The following AGMO variants were observed in gnomAD, a reference collection of about 807,000 sequenced individuals.
AGMO encodes the protein alkylglycerol monooxygenase.
In AGMO, 75 loss-of-function variants were observed where a neutral mutation model predicts 60.2. The ratio of observed to expected loss-of-function variants is 1.25; its 90% CI spans 1.03 to 1.51. The LOEUF is 1.51. AGMO is among the 40% of genes most tolerant of loss of function. AGMO has a pLI of 0.00. For missense variants in AGMO, 763 were observed against 525.5 expected (o/e 1.45, Z -4.42); for synonymous variants, 261 against 177.1 (o/e 1.47, Z -3.76).
chr7:15,202,489 A>AAAAAAACC (rs1277846759), intron 12 of AGMO, among the ~76,000 whole-genome samples: 2 of 132,048 alleles, frequency 1.5e-5, no homozygotes, highest in Admixed American at 7.4e-5. Context: ...AAAAAAAAAA[A>AAAAAAACC]CCCTCCCAAA....
chr7:15,539,318 T>C (rs1283465158), intron 3 of AGMO, among the ~76,000 whole-genome samples: 1 of 152,100 alleles, frequency 6.6e-6, no homozygotes, highest in East Asian at 1.9e-4. Context: ...TCGAGTTGGC[T>C]GCAGTGTCTG....
At chr7:15,218,765 GAAGA>G (rs1583300747) in intron 12 of AGMO, among the ~76,000 whole-genome samples, 1 of 152,218 alleles carries the variant, frequency 6.6e-6, no homozygotes, top group East Asian at 1.9e-4. Flanking sequence ...GAGGTGGCAA[GAAGA>G]AAGACTAACT....
intron 12 of AGMO, among the ~76,000 whole-genome samples, chr7:15,323,008 A>G (rs2128540533): frequency 1.7e-5 from 1 of 60,296 alleles, no homozygotes; most frequent in East Asian, 4.2e-4. Flanking sequence ...TCCTGTATCA[A>G]GAAAGGAAAT....
At chr7:15,551,702 A>G (rs2115299147) in intron 2 of AGMO, among the ~76,000 whole-genome samples, 1 of 151,348 alleles carries the variant, frequency 6.6e-6, no homozygotes, top group South Asian at 2.1e-4. Flanking sequence ...TTCCATGCTC[A>G]TGGGTAGGAA....
chr7:15,245,446 T>A (rs1782712947), intron 12 of AGMO, among the ~76,000 whole-genome samples: 1 of 152,194 alleles, frequency 6.6e-6, no homozygotes, highest in Non-Finnish European at 1.5e-5. Context: ...CCTAGATTCC[T>A]AATTAGCTCA....
intron 12 of AGMO, among the ~76,000 whole-genome samples, chr7:15,294,377 G>A (rs1042684134): frequency 3.3e-5 from 5 of 151,864 alleles, no homozygotes; most frequent in African/African-American, 1.2e-4. Flanking sequence ...AAACAGAAAT[G>A]AGAAATAAAC....
chr7:15,359,291 CAA>C (rs398003765), intron 12 of AGMO, among the ~76,000 whole-genome samples: 16 of 115,098 alleles, frequency 1.4e-4, no homozygotes, highest in Non-Finnish European at 1.5e-4. Context: ...TCCGTCTCAA[CAA>C]AAAAAAAAAA....
At chr7:15,531,869 A>T (rs1322079960) in intron 3 of AGMO, among the ~76,000 whole-genome samples, 1 of 151,522 alleles carries the variant, frequency 6.6e-6, no homozygotes, top group Non-Finnish European at 1.5e-5. Flanking sequence ...GGGTTTCTCC[A>T]TATTGGCCAA....
At chr7:15,397,376 C>A (rs1315538048) in intron 5 of AGMO, among the ~76,000 whole-genome samples, 1 of 151,924 alleles carries the variant, frequency 6.6e-6, no homozygotes, top group Non-Finnish European at 1.5e-5. Flanking sequence ...GGCTCCCGCA[C>A]CTCTCTCTCC....
At chr7:15,521,240 G>T (rs1783976480) in intron 3 of AGMO, among the ~76,000 whole-genome samples, 1 of 152,090 alleles carries the variant, frequency 6.6e-6, no homozygotes, top group African/African-American at 2.4e-5. Flanking sequence ...AGGACCAGAT[G>T]GATTCACAGC....
Position 15,201,331 on chromosome 7 carries a change from C to CAG in AGMO, c.1290_1291dup (p.Trp431SerfsTer7). 6.2e-7 allele frequency: 1 copy of CAG among 1,611,832 alleles called. No individual in the cohort carries two copies. The highest frequency in any genetic ancestry group is 8.5e-7 in the Non-Finnish European group (1 of 1,179,074). On this transcript the variant is annotated frameshift_variant, in exon 13 of 13. Transcript: ENST00000342526. LOFTEE classifies it high-confidence loss of function. ...GAGTTGTTTCATGCTTCTAACTCCC[C>CAG]AGAAAGCAATGCAAATGGAAAAAAC...
intron 12 of AGMO, among the ~76,000 whole-genome samples, chr7:15,362,037 C>T (rs780004109): frequency 1.3e-5 from 2 of 152,042 alleles, no homozygotes; most frequent in Non-Finnish European, 2.9e-5. Context: ...AATATAGTGT[C>T]CTTATAGTAC....
At chr7:15,218,011 G>A (rs1263709342) in intron 12 of AGMO, among the ~76,000 whole-genome samples, 1 of 151,824 alleles carries the variant, frequency 6.6e-6, no homozygotes, top group East Asian at 1.9e-4. Flanking sequence ...CGAATATACT[G>A]CATATCAAAA....
intron 4 of AGMO, among the ~76,000 whole-genome samples, chr7:15,423,298 C>T (rs1780972880): frequency 6.6e-6 from 1 of 152,078 alleles, no homozygotes; most frequent in Admixed American, 6.6e-5. Context: ...ATCAAAATTA[C>T]CTGATTATAG....
chr7:15,373,759 T>A (rs1045594269), intron 10 of AGMO, among the ~76,000 whole-genome samples: 1 of 152,214 alleles, frequency 6.6e-6, no homozygotes, highest in African/African-American at 2.4e-5. Flanking sequence ...TTCCATAATT[T>A]TATTCTAAGG....
At chr7:15,346,235 G>C (rs903869167) in intron 12 of AGMO, among the ~76,000 whole-genome samples, 5 of 152,068 alleles carry the variant, frequency 3.3e-5, no homozygotes, top group African/African-American at 1.2e-4. Flanking sequence ...TGTAATATAA[G>C]CATTACATGG....
At chr7:15,401,691 C>A (rs1468690879) in intron 5 of AGMO, among the ~76,000 whole-genome samples, 4 of 152,016 alleles carry the variant, frequency 2.6e-5, no homozygotes, top group Admixed American at 1.3e-4. Context: ...TAAAGTTCAT[C>A]CCAAATAAAA....
chr7:15,283,431 C>G (rs569925209), intron 12 of AGMO, among the ~76,000 whole-genome samples: 133 of 151,894 alleles, frequency 8.8e-4, no homozygotes, highest in Non-Finnish European at 1.6e-3. Flanking sequence ...GCAGGAGTAG[C>G]TGTTCTTATA....
the AGMO span, among the ~76,000 whole-genome samples, chr7:15,155,074 C>T: frequency 5.9e-5 from 9 of 152,150 alleles, no homozygotes; most frequent in Admixed American, 2.0e-4. Flanking sequence ...GACTATGTGT[C>T]TTGGGGATGG....
Sources: allele counts gnomAD v4.1 joint callset (sites outside exome capture counted in the v4.1 genomes callset), GRCh38; gene constraint gnomAD v4.1.1; transcripts MANE v1.5; gene names NCBI Gene and HGNC (gene_info 2026-07-23, HGNC 2026-07-21).